RBFOX3: variants seen among roughly 807,000 people sequenced by gnomAD.
The protein encoded by RBFOX3 is RNA binding protein fox-1 homolog 3.
Under a neutral mutation model 48.7 loss-of-function variants are expected in RBFOX3, and 17 were observed. The observed-to-expected ratio is 0.35, with a 90% CI of 0.24 to 0.52. The LOEUF is 0.52. RBFOX3 is among the 20% of genes least tolerant of loss of function. The pLI, the probability that RBFOX3 is intolerant of heterozygous loss-of-function variation, is 0.94. For missense variants in RBFOX3, 382 were observed against 497.5 expected (o/e 0.77, Z 2.21); for synonymous variants, 212 against 209.5 (o/e 1.01, Z -0.10).
intron 2 of RBFOX3, among the ~76,000 whole-genome samples, chr17:79,393,292 C>A (rs1210669176): frequency 6.6e-6 from 1 of 152,254 alleles, no homozygotes; most frequent in Non-Finnish European, 1.5e-5. Context: ...CCTACCCACA[C>A]CCCAACCCCA....
At chr17:79,486,311 T>C (rs901035236) in intron 1 of RBFOX3, among the ~76,000 whole-genome samples, 1 of 152,122 alleles carries the variant, frequency 6.6e-6, no homozygotes, top group Non-Finnish European at 1.5e-5. Flanking sequence ...AAGGGTCCAG[T>C]CTGTCTCGGG....
intron 2 of RBFOX3, among the ~76,000 whole-genome samples, chr17:79,472,995 C>T (rs1374338985): frequency 2.0e-5 from 3 of 152,192 alleles, no homozygotes; most frequent in African/African-American, 7.2e-5. Context: ...CCACCTCAGC[C>T]TCCTGAGTAG....
At chr17:79,253,666 G>T (rs1255910644) in intron 3 of RBFOX3, among the ~76,000 whole-genome samples, 5 of 152,178 alleles carry the variant, frequency 3.3e-5, no homozygotes, top group Non-Finnish European at 5.9e-5. Context: ...AGACATCTCT[G>T]GAATTTCAAA....
chr17:79,361,364 G>A lies in RBFOX3; in HGVS notation c.-174-53540C>T, dbSNP rs149004386. On this transcript the variant is annotated intron_variant, in intron 2 of 14. Transcript: ENST00000693108. The surrounding 1 kb of genome is among the most constrained non-coding windows in gnomAD (Gnocchi z 4.5). ...ACCCGCTAACAGCTCTGTGCAGGTG[G>A]CATGAGCTTGCATCCCCCACTGCCT... Among the ~76,000 whole-genome samples the A allele has an allele frequency of 6.8e-4, 103 of 152,292 alleles. 1 individual carries two copies. Among genetic ancestry groups the A allele is most frequent in the African/African-American group, 2.3e-3 (94 of 41,568 alleles).
At chr17:79,595,333 A>C (rs1362534270) in intron 1 of RBFOX3, among the ~76,000 whole-genome samples, 1 of 152,194 alleles carries the variant, frequency 6.6e-6, no homozygotes, top group Non-Finnish European at 1.5e-5. Flanking sequence ...CCCAGCGAAG[A>C]ACATGCTCAG....
chr17:79,260,178 CA>C (rs2065519589), intron 3 of RBFOX3, among the ~76,000 whole-genome samples: 2 of 152,184 alleles, frequency 1.3e-5, no homozygotes, highest in African/African-American at 4.8e-5. Context: ...TAAGGAGGTA[CA>C]GGGGGAGGTG....
At chr17:79,470,483 G>A (rs1555756384) in intron 2 of RBFOX3, among the ~76,000 whole-genome samples, 1 of 152,160 alleles carries the variant, frequency 6.6e-6, no homozygotes, top group Admixed American at 6.5e-5. Flanking sequence ...AATTTCACAG[G>A]AAGGTGGCAT....
chr17:79,524,416 A>G (rs941374350), intron 1 of RBFOX3, among the ~76,000 whole-genome samples: 10 of 152,272 alleles, frequency 6.6e-5, no homozygotes, highest in East Asian at 3.9e-4. Flanking sequence ...CAACCTCCCA[A>G]TGGTTTTAAA....
chr17:79,623,379 G>A, the RBFOX3 span, among the ~76,000 whole-genome samples: 2 of 152,194 alleles, frequency 1.3e-5, no homozygotes, highest in Non-Finnish European at 2.9e-5. Context: ...CCTAACCCCT[G>A]GAACCTGTGA....
intron 2 of RBFOX3, among the ~76,000 whole-genome samples, chr17:79,476,964 G>T (rs1313355092): frequency 1.3e-5 from 2 of 151,326 alleles, no homozygotes; most frequent in Non-Finnish European, 2.9e-5. Context: ...GAGGAGGAAG[G>T]TGCTCACCCT....
At chr17:79,483,090 C>T (rs1261183322) in intron 1 of RBFOX3, among the ~76,000 whole-genome samples, 2 of 152,254 alleles carry the variant, frequency 1.3e-5, no homozygotes, top group South Asian at 2.1e-4. Context: ...TCTGGTGACA[C>T]AGCCTTCCAC....
rs76714648 is a variant in RBFOX3 at position 79,535,825 on chromosome 17, C to G, written c.-319-53227G>C. 4.6e-5 allele frequency among the ~76,000 whole-genome samples: 7 copies of G among 152,140 alleles called. No homozygotes were observed. The highest frequency in any genetic ancestry group is 1.0e-4 in the Non-Finnish European group (7 of 68,018). On this transcript the variant is annotated intron_variant, in intron 1 of 14. Coordinates refer to ENST00000693108, the MANE Select transcript of RBFOX3 (RefSeq NM_001350451.2). This position sits in a 1 kb window ranked among gnomAD's most constrained non-coding sequence, Gnocchi z 4.5. ...AGGAACAGGGTGGGAAGAGTCCACA[C>G]GGAGAGGGGCCGTGGGTTGATCTCT...
chr17:79,635,059 CAAAAAAAAAAAAAAAAAAAAA>C, the RBFOX3 span, among the ~76,000 whole-genome samples: 58 of 53,518 alleles, frequency 1.1e-3, 1 homozygote, highest in African/African-American at 3.0e-3. Flanking sequence ...GACTCCATCT[CAAAAAAAAAAAAAAAAAAAAA>C]AAAAAAAAAA....
At chr17:79,594,299 A>G (rs1310511436) in intron 1 of RBFOX3, among the ~76,000 whole-genome samples, 3 of 152,194 alleles carry the variant, frequency 2.0e-5, no homozygotes, top group African/African-American at 7.2e-5. Context: ...GATTCTGCAT[A>G]TGGAGCTGTG....
chr17:79,642,698 A>C, the RBFOX3 span, among the ~76,000 whole-genome samples: 1 of 152,334 alleles, frequency 6.6e-6, no homozygotes, highest in South Asian at 2.1e-4. Flanking sequence ...GAACACTAAA[A>C]CAAACAAAGT....
chr17:79,388,927 G>A (rs1052166127), intron 2 of RBFOX3, among the ~76,000 whole-genome samples: 12 of 152,204 alleles, frequency 7.9e-5, no homozygotes, highest in Admixed American at 6.5e-4. Flanking sequence ...ACTCCTCCCA[G>A]CCGCCAAGCC....
chr17:79,571,062 T>G (rs2092660746), intron 1 of RBFOX3, among the ~76,000 whole-genome samples: 3 of 152,200 alleles, frequency 2.0e-5, no homozygotes, highest in African/African-American at 7.2e-5. Context: ...GTAATTATTG[T>G]AATGCCAGTT....
chr17:79,176,432 G>C (rs930988015), intron 4 of RBFOX3, among the ~76,000 whole-genome samples: 2 of 152,220 alleles, frequency 1.3e-5, no homozygotes, highest in Non-Finnish European at 2.9e-5. Flanking sequence ...CAGCCGAGTA[G>C]TCCCAGCCTT....
chr17:79,360,641 TA>T (rs1292602833), intron 2 of RBFOX3, among the ~76,000 whole-genome samples: 5 of 151,834 alleles, frequency 3.3e-5, no homozygotes, highest in Non-Finnish European at 5.9e-5. Context: ...ATCAGACCAT[TA>T]AAAAAAACTA....
Sources: gnomAD v4.1 joint callset for allele counts (sites outside exome capture counted in the v4.1 genomes callset) on GRCh38, gnomAD v4.1.1 for gene constraint, Gnocchi (gnomAD v3.1) non-coding constraint, MANE v1.5 for transcripts, NCBI Gene and HGNC (gene_info 2026-07-23, HGNC 2026-07-21) for gene names.